Variants in SMYD3 observed in about 807,000 individuals in gnomAD.
The protein encoded by SMYD3 is SET and MYND domain containing 3.
A neutral mutation model predicts 57.7 loss-of-function variants in SMYD3; 36 were observed. The observed-to-expected ratio is 0.62, with a 90% confidence interval of 0.48 to 0.82. SMYD3 has a LOEUF of 0.82. Ranked by LOEUF, SMYD3 falls within the 40% of genes least tolerant of loss-of-function variation. The pLI, the probability that SMYD3 is intolerant of heterozygous loss-of-function variation, is 0.00. For missense variants in SMYD3, 515 were observed against 538.8 expected, an observed-to-expected ratio of 0.96 and a Z score of 0.44; for synonymous variants, 211 against 195.0, an observed-to-expected ratio of 1.08 and a Z score of -0.68.
chr1:246,279,114 C>T (rs2064391417), intron 5 of SMYD3, among the ~76,000 whole-genome samples: 1 of 152,198 alleles, frequency 6.6e-6, no homozygotes, highest in Non-Finnish European at 1.5e-5. Context: ...ACCTACTGTC[C>T]TTTAAAGCCA....
rs1482622807 is a variant in SMYD3 at position 245,828,959 on chromosome 1, T to A, written c.1076+29537A>T. On this transcript the variant is annotated intron_variant, in intron 10 of 11. Coordinates refer to ENST00000490107, the MANE Select transcript of SMYD3 (RefSeq NM_001167740.2). Reference sequence around the variant, plus strand: ...CCCAGGTGATCTGCCTGACTCGGCCTCCCAAAGTGCTGGGGTTAGAGGCAT... The same window carrying A: ...CCCAGGTGATCTGCCTGACTCGGCCACCCAAAGTGCTGGGGTTAGAGGCAT... Among the ~76,000 whole-genome samples, 3 of 152,172 alleles carry A rather than the reference T, an allele frequency of 2.0e-5. No homozygotes were observed. The East Asian group carries it at 5.8e-4, about 29-fold the overall frequency.
intron 10 of SMYD3, among the ~76,000 whole-genome samples, chr1:245,786,212 A>ATT (rs200784688): frequency 1.3e-5 from 1 of 78,430 alleles, no homozygotes; most frequent in African/African-American, 6.7e-5. Context: ...TGGGGTGTGG[A>ATT]CGGGGGGGGG....
Position 246,348,077 on chromosome 1 carries a change from T to TATATATATATACACACACATACATAC in SMYD3, c.228+6953_228+6954insGTATGTATGTGTGTGTATATATATAT. On this transcript the variant is annotated intron_variant, in intron 2 of 11. Coordinates refer to ENST00000490107, the MANE Select transcript of SMYD3 (RefSeq NM_001167740.2). ...AGAAAACGTTATATATATATATATA[T>TATATATATATACACACACATACATAC]ACACACACACCATCAAATACTATGA... Among the ~76,000 whole-genome samples, 20 of 86,410 alleles carry TATATATATATACACACACATACATAC rather than the reference T, an allele frequency of 2.3e-4. 1 individual carries two copies. Among genetic ancestry groups the TATATATATATACACACACATACATAC allele is most frequent in the Non-Finnish European group, 4.4e-4 (17 of 38,322 alleles). 56.7% of individuals were successfully genotyped at this position (86,410 alleles called of 152,430 possible).
chr1:246,205,230 T>C lies in SMYD3; in HGVS notation c.531+121971A>G, dbSNP rs151173180. Among the ~76,000 whole-genome samples, 296 of 152,310 alleles carry C rather than the reference T, an allele frequency of 1.9e-3. 2 individuals carry two copies. The highest frequency in any genetic ancestry group is 6.8e-3 in the African/African-American group (282 of 41,564). On this transcript the variant is annotated intron_variant, in intron 5 of 11. Transcript: ENST00000490107. Reference sequence around the variant, plus strand: ...CTTACAAGGAGATACAGTTCAGCTATCACAAATTAGCTCAAGAAAATACTT... The same window carrying C: ...CTTACAAGGAGATACAGTTCAGCTACCACAAATTAGCTCAAGAAAATACTT...
rs374228850 is a variant in SMYD3, at chr1:246,478,680, A to G, written c.164+28374T>C. Among the ~76,000 whole-genome samples, 4 of 113,780 alleles carry G rather than the reference A, an allele frequency of 3.5e-5. No homozygotes were observed. In the South Asian group the frequency reaches 1.1e-3, roughly 30 times the overall value. 74.6% of individuals were successfully genotyped at this position (113,780 alleles called of 152,430 possible). On this transcript the variant is annotated intron_variant, in intron 1 of 11. Coordinates refer to ENST00000490107, the MANE Select transcript of SMYD3 (RefSeq NM_001167740.2). ...GGAGCTGGTACGTAAGTGCTCATAT[A>G]TGCACACCTGTCCTCCGTCCTGGAG...
intron 1 of SMYD3, among the ~76,000 whole-genome samples, chr1:246,400,632 T>C (rs2066752217): frequency 6.6e-6 from 1 of 152,214 alleles, no homozygotes; most frequent in Non-Finnish European, 1.5e-5. Flanking sequence ...TTTTATGACT[T>C]CAATCTTTTG....
chr1:246,062,940 C>G (rs2060278154), intron 5 of SMYD3, among the ~76,000 whole-genome samples: 1 of 152,176 alleles, frequency 6.6e-6, no homozygotes, highest in East Asian at 1.9e-4. Context: ...CCTTGGAAAA[C>G]TTACAGCAGA....
At chr1:246,481,788 G>GAC (rs200754782) in intron 1 of SMYD3, among the ~76,000 whole-genome samples, 2,606 of 123,788 alleles carry the variant, frequency 0.021, 69 homozygotes, top group African/African-American at 0.072. Context: ...TATATATAGA[G>GAC]AGAGAGAGAT....
intron 5 of SMYD3, among the ~76,000 whole-genome samples, chr1:246,038,230 G>C (rs1299603376): frequency 6.6e-6 from 1 of 152,108 alleles, no homozygotes; most frequent in Non-Finnish European, 1.5e-5. Context: ...TTACGTAGTG[G>C]AATTTATCCG....
At chr1:245,879,332 G>A (rs987452674) in intron 8 of SMYD3, among the ~76,000 whole-genome samples, 1 of 152,230 alleles carries the variant, frequency 6.6e-6, no homozygotes. Context: ...GCAAAGTGCT[G>A]TGCATAGCAA....
intron 11 of SMYD3, among the ~76,000 whole-genome samples, chr1:245,759,958 T>C (rs2045774245): frequency 6.6e-6 from 1 of 152,016 alleles, no homozygotes; most frequent in Non-Finnish European, 1.5e-5. Flanking sequence ...GAAGTCAAAT[T>C]AGTAGCAAAC....
intron 5 of SMYD3, among the ~76,000 whole-genome samples, chr1:246,054,347 G>C (rs2060113375): frequency 6.6e-6 from 1 of 152,174 alleles, no homozygotes; most frequent in Non-Finnish European, 1.5e-5. Context: ...GACTACTTCA[G>C]AAAGCAGTCT....
chr1:245,787,324 C>T (rs2047085875), intron 10 of SMYD3, among the ~76,000 whole-genome samples: 2 of 152,192 alleles, frequency 1.3e-5, no homozygotes, highest in South Asian at 4.2e-4. Context: ...CATGTAGCTC[C>T]CATTACTTCA....
chr1:245,817,281 G>C lies in SMYD3; in HGVS notation c.1076+41215C>G, dbSNP rs1042497776. Among the ~76,000 whole-genome samples, 7 of 142,342 alleles carry C rather than the reference G, an allele frequency of 4.9e-5. No individual in the cohort carries two copies. In the South Asian group the frequency reaches 9.0e-4, roughly 18 times the overall value. 93.4% of individuals were successfully genotyped at this position (142,342 alleles called of 152,430 possible). ...CTAACTGGGAGGCACCCCCCAGCAG[G>C]GGCACACTGACACCTCACATGGCAG... On this transcript the variant is annotated intron_variant, in intron 10 of 11. Transcript: ENST00000490107.
chr1:245,778,094 T>C (rs774699780), intron 10 of SMYD3, among the ~76,000 whole-genome samples: 2 of 152,170 alleles, frequency 1.3e-5, no homozygotes, highest in Non-Finnish European at 2.9e-5. Context: ...ATAGTAAAGA[T>C]GATGAGTCTC....
chr1:246,342,336 C>T (rs1320726457), intron 2 of SMYD3, among the ~76,000 whole-genome samples: 1 of 152,116 alleles, frequency 6.6e-6, no homozygotes, highest in African/African-American at 2.4e-5. Flanking sequence ...AGTTGAGCTG[C>T]CACGCAACTT....
At chr1:246,006,998 C>T (rs1404813504) in intron 5 of SMYD3, among the ~76,000 whole-genome samples, 3 of 152,206 alleles carry the variant, frequency 2.0e-5, no homozygotes, top group African/African-American at 2.4e-5. Flanking sequence ...TCCTGTTACA[C>T]GGTTCTGTTC....
At chr1:246,237,823 A>G (rs1404079614) in intron 5 of SMYD3, among the ~76,000 whole-genome samples, 1 of 152,210 alleles carries the variant, frequency 6.6e-6, no homozygotes, top group Admixed American at 6.5e-5. Flanking sequence ...ATTTCAGTAC[A>G]CAAAGAAATC....
intron 5 of SMYD3, among the ~76,000 whole-genome samples, chr1:246,171,598 T>C (rs554118593): frequency 1.3e-5 from 2 of 152,354 alleles, no homozygotes; most frequent in South Asian, 4.1e-4. Context: ...TATTGCCTAT[T>C]GCTCCTAGGC....
Sources: allele counts gnomAD v4.1 joint callset (sites outside exome capture counted in the v4.1 genomes callset), GRCh38; gene constraint gnomAD v4.1.1; transcripts MANE v1.5; gene names NCBI Gene and HGNC (gene_info 2026-07-23, HGNC 2026-07-21).